The following LIPA variants were observed in gnomAD, a reference collection of about 807,000 sequenced individuals.
The protein encoded by LIPA is lipase A, lysosomal acid type.
Under a neutral mutation model 40.6 loss-of-function variants are expected in LIPA, and 26 were observed. The ratio of observed to expected loss-of-function variants is 0.64; its 90% CI spans 0.47 to 0.89. LIPA has a LOEUF of 0.89. Ranked by LOEUF, LIPA falls within the 40% of genes least tolerant of loss-of-function variation. LIPA has a pLI of 0.00. For missense variants in LIPA, 455 were observed against 479.6 expected (o/e 0.95, Z 0.48); for synonymous variants, 188 against 168.4 (o/e 1.12, Z -0.90).
chr10:89,301,023 T>C (rs539985870), intron 1 of LIPA, among the ~76,000 whole-genome samples: 1 of 152,330 alleles, frequency 6.6e-6, no homozygotes, highest in East Asian at 1.9e-4. Context: ...TAATAGAAAC[T>C]AGCATTTACT....
chr10:89,260,331 C>A (rs1346506192), intron 1 of LIPA, among the ~76,000 whole-genome samples: 1 of 152,154 alleles, frequency 6.6e-6, no homozygotes, highest in Non-Finnish European at 1.5e-5. Flanking sequence ...GGCCACTCTC[C>A]TAAGGGTTGC....
chr10:89,359,099 C>T (rs1028358041), intron 2 of LIPA, among the ~76,000 whole-genome samples: 1 of 152,114 alleles, frequency 6.6e-6, no homozygotes, highest in African/African-American at 2.4e-5. Context: ...GCCCTTTTGT[C>T]CATTTTTGGC....
At chr10:89,413,680 T>G (rs1841497319) in intron 1 of LIPA, among the ~76,000 whole-genome samples, 1 of 151,128 alleles carries the variant, frequency 6.6e-6, no homozygotes, top group South Asian at 2.1e-4. Context: ...GGTGGGAGGA[T>G]CGCTTGAGCC....
chr10:89,338,781 T>C, intron 1 of LIPA: 1 of 1,614,094 alleles, frequency 6.2e-7, no homozygotes, highest in Non-Finnish European at 8.5e-7. Context: ...GTAACCAGAT[T>C]GAATTTTTAA....
intron 1 of LIPA, among the ~76,000 whole-genome samples, chr10:89,273,593 G>C (rs1843276282): frequency 6.6e-6 from 1 of 152,180 alleles, no homozygotes; most frequent in Non-Finnish European, 1.5e-5. Context: ...ATTGTGAATT[G>C]GGGAGCTGTG....
At chr10:89,229,292 A>C (rs1842809806) in intron 3 of LIPA, among the ~76,000 whole-genome samples, 1 of 152,228 alleles carries the variant, frequency 6.6e-6, no homozygotes. Flanking sequence ...AACTATAGAG[A>C]GAGTAAAAAA....
intron 2 of LIPA, among the ~76,000 whole-genome samples, chr10:89,351,889 C>G (rs1201693363): frequency 1.3e-5 from 2 of 152,166 alleles, no homozygotes; most frequent in Admixed American, 6.5e-5. Context: ...TTTTCAAACT[C>G]AGTGTGTCTC....
rs1204744283 is a variant in LIPA, at chr10:89,223,683, C to T, written c.822+1G>A. ...TCAAATCTTACTATAAACATGCATACCATATTTAAATTTCTCTCATTAAAT... is the reference window on the plus strand; with the variant it reads ...TCAAATCTTACTATAAACATGCATATCATATTTAAATTTCTCTCATTAAAT... On this transcript the variant is annotated splice_donor_variant, in intron 7 of 9. Transcript: ENST00000336233. LOFTEE classifies it high-confidence loss of function. 3.1e-6 allele frequency: 5 copies of T among 1,604,644 alleles called. No individual in the cohort carries two copies. Among genetic ancestry groups the T allele is most frequent in the South Asian group, 1.1e-5 (1 of 90,810 alleles).
At chr10:89,291,160 C>T (rs1290541445) in intron 1 of LIPA, among the ~76,000 whole-genome samples, 1 of 151,280 alleles carries the variant, frequency 6.6e-6, no homozygotes, top group East Asian at 1.9e-4. Flanking sequence ...TCCTTCATTC[C>T]TTTTTTCCTT....
intron 1 of LIPA, among the ~76,000 whole-genome samples, chr10:89,287,897 T>C (rs1171036524): frequency 6.6e-6 from 1 of 152,178 alleles, no homozygotes; most frequent in East Asian, 1.9e-4. Context: ...TACACTCTTT[T>C]GTCCTCAATA....
chr10:89,293,090 T>C (rs1352755841), intron 1 of LIPA, among the ~76,000 whole-genome samples: 1 of 152,144 alleles, frequency 6.6e-6, no homozygotes, highest in South Asian at 2.1e-4. Flanking sequence ...GATGGGAGGA[T>C]TGGATCATAG....
intron 1 of LIPA, among the ~76,000 whole-genome samples, chr10:89,287,628 G>C (rs1843348128): frequency 6.6e-6 from 1 of 151,914 alleles, no homozygotes; most frequent in Non-Finnish European, 1.5e-5. Flanking sequence ...GACCGATCAT[G>C]CACCCCTTAC....
chr10:89,258,156 T>G (rs59158607), intron 1 of LIPA, among the ~76,000 whole-genome samples: 98 of 152,322 alleles, frequency 6.4e-4, no homozygotes, highest in African/African-American at 2.3e-3. Context: ...CCCAATTGAT[T>G]TTTACCAAGG....
rs1423293398 is a variant in LIPA at position 89,354,712 on chromosome 10, C to T, written c.61+58079G>A. Among the ~76,000 whole-genome samples, 5 of 152,240 alleles carry T rather than the reference C, an allele frequency of 3.3e-5. No individual in the cohort carries two copies. In the East Asian group the frequency reaches 9.7e-4, roughly 29 times the overall value. Reference sequence around the variant, plus strand: ...CCTCCCGAGTAGCTGGAATTACAGGCACCCACCACCACGCCCTGCTAATTT... The same window carrying T: ...CCTCCCGAGTAGCTGGAATTACAGGTACCCACCACCACGCCCTGCTAATTT... On this transcript the variant is annotated intron_variant, in intron 2 of 8. Transcript: ENST00000371837.
At chr10:89,403,123 C>T in intron 2 of LIPA, 1 of 1,614,180 alleles carries the variant, frequency 6.2e-7, no homozygotes, top group Non-Finnish European at 8.5e-7. Context: ...GAAACACCCA[C>T]TTCTGTCTTA....
intron 1 of LIPA, among the ~76,000 whole-genome samples, chr10:89,283,446 A>T (rs1843326092): frequency 6.6e-6 from 1 of 152,198 alleles, no homozygotes; most frequent in Admixed American, 6.5e-5. Context: ...AACATTAGCT[A>T]CTGATGTCAC....
rs566887802 is a variant in LIPA, at chr10:89,371,540, C to T, written c.61+41251G>A. On this transcript the variant is annotated intron_variant, in intron 2 of 8. Transcript: ENST00000371837. ...TGTTCTAATCTGTCTCTGTCTCCCA[C>T]GAGACAGCAAACCACTAGTGATGGA... is the stretch of plus-strand genomic sequence containing the variant. Among the ~76,000 whole-genome samples, 195 of 152,280 alleles carry T rather than the reference C, an allele frequency of 1.3e-3. 1 individual carries two copies. Among genetic ancestry groups the T allele is most frequent in the African/African-American group, 4.5e-3 (188 of 41,556 alleles).
intron 1 of LIPA, chr10:89,284,101 A>G (rs1374336869): frequency 6.6e-6 from 1 of 152,238 alleles, no homozygotes; most frequent in Non-Finnish European, 1.5e-5. Flanking sequence ...GCCTTTAGCA[A>G]TCCTAACCAG....
At chr10:89,407,947 G>A (rs916286542) in intron 2 of LIPA, among the ~76,000 whole-genome samples, 2 of 152,112 alleles carry the variant, frequency 1.3e-5, no homozygotes, top group Non-Finnish European at 2.9e-5. Flanking sequence ...CAATCAGCAG[G>A]GTCCAGGGAC....
Sources: allele counts gnomAD v4.1 joint callset (sites outside exome capture counted in the v4.1 genomes callset), GRCh38; gene constraint gnomAD v4.1.1; transcripts MANE v1.5; gene names NCBI Gene and HGNC (gene_info 2026-07-23, HGNC 2026-07-21).